The following DYM variants were observed in gnomAD, a reference collection of about 807,000 sequenced individuals.
DYM encodes dymeclin, also known as dyggve-Melchior-Clausen syndrome protein.
DYM carries 78 observed loss-of-function variants against 93.1 expected under a neutral mutation model. The observed-to-expected ratio is 0.84, with a 90% CI of 0.70 to 1.01. The LOEUF (loss-of-function observed/expected upper bound fraction) is 1.01. DYM is among the 50% of genes least tolerant of loss of function. DYM has a pLI of 0.00. For synonymous variants in DYM, 321 were observed against 319.7 expected, an observed-to-expected ratio of 1.00 and a Z score of -0.04; for missense variants, 789 against 845.0, an observed-to-expected ratio of 0.93 and a Z score of 0.82.
chr18:49,284,429 C>T (rs1052876735), intron 9 of DYM, among the ~76,000 whole-genome samples: 2 of 152,162 alleles, frequency 1.3e-5, no homozygotes, highest in Admixed American at 1.3e-4. Context: ...CAAACCATGA[C>T]CATCCCAAGC....
chr18:49,122,457 G>T (rs964822641), intron 15 of DYM, among the ~76,000 whole-genome samples: 2 of 152,202 alleles, frequency 1.3e-5, no homozygotes, highest in Non-Finnish European at 2.9e-5. Flanking sequence ...ACGTGTGAGG[G>T]ATCTGGGTTG....
intron 2 of DYM, among the ~76,000 whole-genome samples, chr18:49,393,938 C>T (rs1225776134): frequency 6.6e-6 from 1 of 151,904 alleles, no homozygotes; most frequent in African/African-American, 2.4e-5. Context: ...AGGAGTTAAA[C>T]TCAAAGAGAA....
chr18:49,174,891 T>C (rs913767701), intron 14 of DYM, among the ~76,000 whole-genome samples: 3 of 152,056 alleles, frequency 2.0e-5, no homozygotes, highest in Non-Finnish European at 4.4e-5. Context: ...CAGATAACGA[T>C]GGTTCTAACA....
chr18:49,102,852 T>C (rs2080325367), intron 16 of DYM, among the ~76,000 whole-genome samples: 1 of 152,204 alleles, frequency 6.6e-6, no homozygotes, highest in South Asian at 2.1e-4. Context: ...TCTTTGCTAT[T>C]GTGAATAGTG....
intron 15 of DYM, among the ~76,000 whole-genome samples, chr18:49,119,136 T>C (rs1346563300): frequency 1.3e-5 from 2 of 152,244 alleles, no homozygotes; most frequent in Non-Finnish European, 2.9e-5. Flanking sequence ...GAACTTAGTA[T>C]GGTAATAATT....
At chr18:49,238,917 C>T (rs1303685045) in intron 13 of DYM, among the ~76,000 whole-genome samples, 1 of 152,212 alleles carries the variant, frequency 6.6e-6, no homozygotes, top group Non-Finnish European at 1.5e-5. Context: ...ACTCCACCCT[C>T]CAAATGCTGC....
intron 15 of DYM, among the ~76,000 whole-genome samples, chr18:49,143,381 T>C (rs1327182457): frequency 6.6e-6 from 1 of 152,178 alleles, no homozygotes; most frequent in Non-Finnish European, 1.5e-5. Context: ...ATAAAGGGCA[T>C]ATCTTCCTAT....
At chr18:49,435,125 T>C (rs896630034) in intron 1 of DYM, among the ~76,000 whole-genome samples, 5 of 149,786 alleles carry the variant, frequency 3.3e-5, no homozygotes, top group Non-Finnish European at 5.9e-5. Flanking sequence ...CGAGAATCAC[T>C]TGAACCCAGG....
At chr18:49,236,708 A>C (rs1001340504) in intron 13 of DYM, among the ~76,000 whole-genome samples, 2 of 152,202 alleles carry the variant, frequency 1.3e-5, no homozygotes, top group Non-Finnish European at 2.9e-5. Context: ...ATAACAACGT[A>C]AGTAAATAGG....
intron 16 of DYM, among the ~76,000 whole-genome samples, chr18:49,106,746 T>C (rs549509357): frequency 3.3e-5 from 5 of 152,382 alleles, no homozygotes; most frequent in Non-Finnish European, 5.9e-5. Context: ...CACTCTCTTC[T>C]GGCTTGGAGA....
chr18:49,287,269 TTA>T (rs1443511026), intron 8 of DYM, among the ~76,000 whole-genome samples: 2 of 151,586 alleles, frequency 1.3e-5, no homozygotes, highest in African/African-American at 4.8e-5. Context: ...TTTAAAAGTA[TTA>T]TTTCTATTTT....
chr18:49,265,987 T>G (rs192928984), intron 11 of DYM, among the ~76,000 whole-genome samples: 25 of 151,354 alleles, frequency 1.7e-4, no homozygotes, highest in African/African-American at 5.8e-4. Flanking sequence ...ATGTTATAAG[T>G]TTTGAATAAT....
At chr18:49,265,891 T>C (rs1354995561) in intron 11 of DYM, among the ~76,000 whole-genome samples, 3 of 151,890 alleles carry the variant, frequency 2.0e-5, no homozygotes, top group East Asian at 1.9e-4. Flanking sequence ...AACTAAACTA[T>C]GGTAAAAGGG....
chr18:49,300,662 C>A (rs2060873337), intron 8 of DYM, among the ~76,000 whole-genome samples: 1 of 151,916 alleles, frequency 6.6e-6, no homozygotes, highest in Admixed American at 6.6e-5. Context: ...TGCAAAAACT[C>A]AAGTGAACTT....
At chr18:49,290,578 A>G (rs1216439929) in intron 8 of DYM, among the ~76,000 whole-genome samples, 1 of 152,130 alleles carries the variant, frequency 6.6e-6, no homozygotes, top group Non-Finnish European at 1.5e-5. Flanking sequence ...TATAGATCCC[A>G]TTAGTATGTA....
chr18:49,439,526 T>C (rs2081138615), intron 1 of DYM, among the ~76,000 whole-genome samples: 1 of 152,164 alleles, frequency 6.6e-6, no homozygotes, highest in Non-Finnish European at 1.5e-5. Flanking sequence ...ACTTCTTCCT[T>C]ATCCCTAATC....
chr18:49,357,191 T>C (rs181460216), intron 6 of DYM, among the ~76,000 whole-genome samples: 3 of 152,350 alleles, frequency 2.0e-5, no homozygotes, highest in African/African-American at 7.2e-5. Context: ...CATCTACCAA[T>C]GTTCTTCTCA....
chr18:49,094,472 GT>G (rs1474879561), intron 17 of DYM, among the ~76,000 whole-genome samples: 2 of 152,176 alleles, frequency 1.3e-5, no homozygotes, highest in Non-Finnish European at 2.9e-5. Context: ...TTAGGTCTCT[GT>G]TTAAGCAGGA....
At chr18:49,092,245 A>G (rs1228902390) in intron 17 of DYM, among the ~76,000 whole-genome samples, 3 of 152,322 alleles carry the variant, frequency 2.0e-5, no homozygotes, top group South Asian at 4.1e-4. Flanking sequence ...TTCCAGTTGG[A>G]CACTAAGCTG....
Sources: gnomAD v4.1 joint callset for allele counts (sites outside exome capture counted in the v4.1 genomes callset) on GRCh38, gnomAD v4.1.1 for gene constraint, MANE v1.5 for transcripts, NCBI Gene and HGNC (gene_info 2026-07-23, HGNC 2026-07-21) for gene names.